The following RNF122 variants were observed in gnomAD, a reference collection of about 807,000 sequenced individuals.
RNF122 encodes ring finger protein 122.
RNF122 carries 17 observed loss-of-function variants against 24.2 expected under a neutral mutation model. The observed-to-expected ratio is 0.70, with a 90% confidence interval of 0.48 to 1.06. The LOEUF is 1.06. RNF122 is among the 50% of genes least tolerant of loss of function. The probability of loss-of-function intolerance (pLI) is 0.00; values close to 1 mark genes in which losing one functional copy is unlikely to be tolerated. For missense variants in RNF122, 168 were observed against 198.1 expected (o/e 0.85, Z 0.91); for synonymous variants, 65 against 71.8 (o/e 0.91, Z 0.48).
intron 1 of RNF122, among the ~76,000 whole-genome samples, chr8:33,565,779 A>T (rs1167968059): frequency 1.3e-5 from 2 of 152,134 alleles, no homozygotes; most frequent in African/African-American, 4.8e-5. Flanking sequence ...GGCCAGAAAC[A>T]CGGCTCCCGC....
intron 1 of RNF122, among the ~76,000 whole-genome samples, chr8:33,565,455 A>G (rs1480032328): frequency 3.9e-5 from 6 of 151,972 alleles, no homozygotes; most frequent in Non-Finnish European, 7.4e-5. Flanking sequence ...TCTCTCTCCC[A>G]GAAACTCTCC....
At chr8:33,556,177 C>T (rs1250856250) in intron 2 of RNF122, among the ~76,000 whole-genome samples, 4 of 94,636 alleles carry the variant, frequency 4.2e-5, no homozygotes, top group African/African-American at 6.7e-5. Flanking sequence ...AAGACCCTGT[C>T]TCAAAAAAAA....
rs193290377 is a variant in RNF122 at position 33,550,669 on chromosome 8, A to G, written c.270+375T>C. Reference sequence around the variant, plus strand: ...ATGGGGTATATACAAAAGTAAAAGGACCTCATTTCCTATGATAACAACCAG... The same window carrying G: ...ATGGGGTATATACAAAAGTAAAAGGGCCTCATTTCCTATGATAACAACCAG... On this transcript the variant is annotated intron_variant, in intron 4 of 5. Transcript: ENST00000256257. Among the ~76,000 whole-genome samples the G allele has an allele frequency of 3.9e-5, 6 of 152,204 alleles. No individual in the cohort carries two copies. In the East Asian group the frequency reaches 1.2e-3, roughly 29 times the overall value.
At position 33,547,873 on chromosome 8, in the gene RNF122, A is replaced by G. The variant is rs780174103; in HGVS notation, c.*880T>C. 2.0e-5 allele frequency: 3 copies of G among 150,730 alleles called. No individual in the cohort carries two copies. The highest frequency in any genetic ancestry group is 4.4e-5 in the Non-Finnish European group (3 of 67,804). The allele number at this position is 150,730 out of a possible 1,614,324, so 9.3% of individuals were successfully genotyped here. ...CCCCCTTCCATTCTGGAGATTTCGT[A>G]TCTAAAGCCTGAGAGGCGAGGATGA... On this transcript the variant is annotated 3_prime_UTR_variant, in exon 6 of 6. Transcript: ENST00000256257.
chr8:33,550,473 G>A (rs183795913), intron 4 of RNF122, among the ~76,000 whole-genome samples: 145 of 152,084 alleles, frequency 9.5e-4, no homozygotes, highest in Non-Finnish European at 6.8e-4. Context: ...GGAGCCTTGG[G>A]AAATGGGTTA....
chr8:33,560,410 T>C (rs1378753326), intron 1 of RNF122, among the ~76,000 whole-genome samples: 1 of 151,970 alleles, frequency 6.6e-6, no homozygotes, highest in Non-Finnish European at 1.5e-5. Flanking sequence ...TCTCACTCTG[T>C]CCCTGCAGGC....
At chr8:33,553,888 C>T (rs570747078) in intron 2 of RNF122, among the ~76,000 whole-genome samples, 2 of 152,236 alleles carry the variant, frequency 1.3e-5, no homozygotes, top group African/African-American at 2.4e-5. Flanking sequence ...ACTCATGCCA[C>T]GGGCTTGGGC....
At chr8:33,549,294 G>A in intron 5 of RNF122, 116 bp downstream of exon 5, 2 of 810,460 alleles carry the variant, frequency 2.5e-6, no homozygotes, top group Non-Finnish European at 4.4e-6. Flanking sequence ...GTTCACGTAG[G>A]ACCTGGGGCA....
chr8:33,560,713 G>A (rs1810528957), intron 1 of RNF122, among the ~76,000 whole-genome samples: 1 of 152,074 alleles, frequency 6.6e-6, no homozygotes, highest in African/African-American at 2.4e-5. Flanking sequence ...GAGACGGCTG[G>A]ATGGCTTGAG....
intron 1 of RNF122, among the ~76,000 whole-genome samples, chr8:33,564,908 C>A (rs1160874562): frequency 6.6e-6 from 1 of 152,090 alleles, no homozygotes; most frequent in Admixed American, 6.5e-5. Flanking sequence ...AAAAATAAAG[C>A]AGCAAGTCTA....
intron 2 of RNF122, among the ~76,000 whole-genome samples, chr8:33,553,863 C>T (rs774232437): frequency 1.3e-5 from 2 of 152,210 alleles, no homozygotes; most frequent in African/African-American, 4.8e-5. Flanking sequence ...CTCTTGAGAG[C>T]TCCAGTCCAA....
At chr8:33,565,426 AG>A (rs1398214122) in intron 1 of RNF122, among the ~76,000 whole-genome samples, 1 of 152,078 alleles carries the variant, frequency 6.6e-6, no homozygotes, top group East Asian at 1.9e-4. Flanking sequence ...CTGAGAGATA[AG>A]GCCAGCTGCT....
At chr8:33,551,867 C>A (rs1447432217) in intron 2 of RNF122, among the ~76,000 whole-genome samples, 1 of 152,202 alleles carries the variant, frequency 6.6e-6, no homozygotes, top group Non-Finnish European at 1.5e-5. Context: ...AAAGCACACT[C>A]TTCCCTTCAC....
At chr8:33,554,924 AT>A (rs1288271479) in intron 2 of RNF122, among the ~76,000 whole-genome samples, 1 of 152,174 alleles carries the variant, frequency 6.6e-6, no homozygotes, top group Non-Finnish European at 1.5e-5. Flanking sequence ...AGTGGGGCCT[AT>A]TTTGGCTGAG....
At position 33,551,523 on chromosome 8, in the gene RNF122, C is replaced by G. The variant is rs112496425; in HGVS notation, c.183-134G>C. On this transcript the variant is annotated intron_variant, in intron 2 of 5. Transcript: ENST00000256257. Reference sequence around the variant, plus strand: ...TGTCCCATACACACCACAGGGCATACTTTGGACCTATGCAAGCCAACAAGG... The same window carrying G: ...TGTCCCATACACACCACAGGGCATAGTTTGGACCTATGCAAGCCAACAAGG... 1,857 of 841,096 alleles carry G rather than the reference C, an allele frequency of 2.2e-3. 33 individuals are homozygous for G. The African/African-American group carries it at 0.028, about 13-fold the overall frequency. 52.1% of individuals were successfully genotyped at this position (841,096 alleles called of 1,614,324 possible). A position where few individuals can be genotyped will look rare whatever the true frequency, so the allele number is the denominator to read the frequency against.
chr8:33,557,391 A>T (rs529185112), intron 2 of RNF122, among the ~76,000 whole-genome samples: 1 of 152,290 alleles, frequency 6.6e-6, no homozygotes, highest in Admixed American at 6.5e-5. Flanking sequence ...GCACTTTGGG[A>T]GGCCGAGGGG....
rs189877271 is a variant in RNF122, at chr8:33,548,108, C to A, written c.*645G>T. The A allele has an allele frequency of 7.2e-5, 11 of 151,928 alleles. 1 individual carries two copies. Among genetic ancestry groups the A allele is most frequent in the Admixed American group, 5.9e-4 (9 of 15,206 alleles). 9.4% of individuals were successfully genotyped at this position (151,928 alleles called of 1,614,324 possible). A position where few individuals can be genotyped will look rare whatever the true frequency, so the allele number is the denominator to read the frequency against. Reference sequence around the variant, plus strand: ...GCTCCGAGATTAACTGAGGAAGAGACTGAATGGATAGCACCGTGGGTCCTG... The same window carrying A: ...GCTCCGAGATTAACTGAGGAAGAGAATGAATGGATAGCACCGTGGGTCCTG... On this transcript the variant is annotated 3_prime_UTR_variant, in exon 6 of 6. Transcript: ENST00000256257.
chr8:33,560,880 G>A (rs1312475888), intron 1 of RNF122, among the ~76,000 whole-genome samples: 1 of 152,046 alleles, frequency 6.6e-6, no homozygotes, highest in Non-Finnish European at 1.5e-5. Context: ...CAAGTGAGCT[G>A]ACATCGTGCC....
intron 2 of RNF122, among the ~76,000 whole-genome samples, chr8:33,557,323 T>C (rs1810468788): frequency 6.6e-6 from 1 of 152,150 alleles, no homozygotes; most frequent in South Asian, 2.1e-4. Flanking sequence ...ATGCTCAAAA[T>C]TTTTTATAGA....
Sources: allele counts gnomAD v4.1 joint callset (sites outside exome capture counted in the v4.1 genomes callset), GRCh38; gene constraint gnomAD v4.1.1; transcripts MANE v1.5; gene names NCBI Gene and HGNC (gene_info 2026-07-23, HGNC 2026-07-21).